The following TENM1 variants were observed in gnomAD, a reference collection of about 807,000 sequenced individuals.
TENM1 encodes teneurin-1.
Under a neutral mutation model 174.8 loss-of-function variants are expected in TENM1, and 35 were observed. The ratio of observed to expected loss-of-function variants is 0.20; its 90% CI spans 0.15 to 0.27. TENM1 has a LOEUF of 0.27. TENM1 is among the 10% of genes least tolerant of loss of function. The pLI is 1.00. For missense variants in TENM1, 1,633 were observed against 2,130.1 expected (o/e 0.77, Z 4.59); for synonymous variants, 781 against 798.7 (o/e 0.98, Z 0.37).
intron 22 of TENM1, among the ~76,000 whole-genome samples, chrX:124,472,085 A>G (rs1281971555): frequency 1.9e-5 from 2 of 108,015 alleles, no homozygotes; most frequent in Non-Finnish European, 3.8e-5. Flanking sequence ...CAGTGATAAA[A>G]TACTTCTTCC....
the TENM1 span, among the ~76,000 whole-genome samples, chrX:124,994,505 T>C: frequency 9.1e-6 from 1 of 110,346 alleles, no homozygotes; most frequent in Non-Finnish European, 1.9e-5. Context: ...ACTCAACATA[T>C]CTGATAAAGA....
intron 11 of TENM1, among the ~76,000 whole-genome samples, chrX:124,576,767 C>T (rs983396909): frequency 2.8e-4 from 31 of 111,939 alleles, no homozygotes; most frequent in African/African-American, 9.1e-4. Context: ...TAAAATTGCA[C>T]CAGGCAGAAT....
chrX:124,886,546 T>TAGAGAG (rs1486537193), intron 3 of TENM1, among the ~76,000 whole-genome samples: 110 of 76,057 alleles, frequency 1.4e-3, no homozygotes, highest in African/African-American at 5.1e-3. Flanking sequence ...TATATATATA[T>TAGAGAG]ATAGAGAGAG....
intron 3 of TENM1, among the ~76,000 whole-genome samples, chrX:124,861,454 C>T (rs1044289015): frequency 9.8e-5 from 11 of 111,797 alleles, no homozygotes; most frequent in African/African-American, 3.3e-4. Context: ...TTTCCTCAAA[C>T]TCCGACATGA....
At chrX:124,566,949 T>A (rs1006108654) in intron 11 of TENM1, among the ~76,000 whole-genome samples, 10 of 111,999 alleles carry the variant, frequency 8.9e-5, no homozygotes, top group African/African-American at 3.2e-4. Context: ...TACTTATACA[T>A]CACAAAGCTG....
chrX:124,806,488 A>C (rs2055600176), intron 3 of TENM1, among the ~76,000 whole-genome samples: 1 of 112,196 alleles, frequency 8.9e-6, no homozygotes, highest in South Asian at 3.7e-4. Context: ...ATTCAATCCA[A>C]ATAACACTAC....
chrX:125,083,745 T>A, the TENM1 span, among the ~76,000 whole-genome samples: 3 of 111,189 alleles, frequency 2.7e-5, no homozygotes, highest in African/African-American at 9.8e-5. Flanking sequence ...CATGAATATA[T>A]CCACATATTG....
chrX:124,852,614 A>C (rs897187190), intron 3 of TENM1, among the ~76,000 whole-genome samples: 1 of 111,180 alleles, frequency 9.0e-6, no homozygotes, highest in Non-Finnish European at 1.9e-5. Flanking sequence ...AGTTTGAAAA[A>C]CATACAAGCC....
intron 18 of TENM1, among the ~76,000 whole-genome samples, chrX:124,517,726 T>C (rs1214057370): frequency 9.3e-6 from 1 of 108,014 alleles, no homozygotes; most frequent in Non-Finnish European, 1.9e-5. Context: ...GACGAGTTAA[T>C]GGGTGCAGCA....
At chrX:125,055,794 C>G in the TENM1 span, among the ~76,000 whole-genome samples, 50 of 111,148 alleles carry the variant, frequency 4.5e-4, no homozygotes, top group African/African-American at 1.6e-3. Context: ...AGTGAATCGA[C>G]GTTGTGTTGC....
intron 1 of TENM1, among the ~76,000 whole-genome samples, chrX:124,952,766 T>C (rs2058510017): frequency 9.0e-6 from 1 of 111,719 alleles, no homozygotes; most frequent in Non-Finnish European, 1.9e-5. Flanking sequence ...TATTTCTAAC[T>C]GCTTTCTTCC....
At chrX:124,974,100 T>C in the TENM1 span, among the ~76,000 whole-genome samples, 34 of 111,396 alleles carry the variant, frequency 3.1e-4, no homozygotes, top group African/African-American at 1.1e-3. Flanking sequence ...ATACTACCAC[T>C]ACTACTACTA....
intron 3 of TENM1, among the ~76,000 whole-genome samples, chrX:124,808,266 T>G (rs762921212): frequency 9.0e-6 from 1 of 111,632 alleles, no homozygotes; most frequent in Admixed American, 9.5e-5. Context: ...AGGGGTCAAT[T>G]TAGCAAGAGG....
At chrX:125,079,187 TA>T in the TENM1 span, among the ~76,000 whole-genome samples, 1 of 111,500 alleles carries the variant, frequency 9.0e-6, no homozygotes, top group Non-Finnish European at 1.9e-5. Context: ...GAATAAGATA[TA>T]AAAATAATAA....
the TENM1 span, among the ~76,000 whole-genome samples, chrX:124,998,685 T>C: frequency 9.0e-6 from 1 of 111,272 alleles, no homozygotes; most frequent in Non-Finnish European, 1.9e-5. Context: ...TGAGGTTAAA[T>C]GTCTGGTTGA....
chrX:124,628,066 C>T (rs376535626), intron 11 of TENM1, among the ~76,000 whole-genome samples: 4 of 111,021 alleles, frequency 3.6e-5, no homozygotes, highest in Non-Finnish European at 5.7e-5. Flanking sequence ...TTCCTGGATA[C>T]GATTTTATTG....
intron 5 of TENM1, among the ~76,000 whole-genome samples, chrX:124,694,441 T>C (rs1174580576): frequency 5.4e-5 from 6 of 111,741 alleles, no homozygotes; most frequent in Non-Finnish European, 1.1e-4. Flanking sequence ...TGTAGAATTA[T>C]CTATCTCCTA....
chrX:124,649,266 G>A (rs922116809), intron 8 of TENM1, among the ~76,000 whole-genome samples: 1 of 112,035 alleles, frequency 8.9e-6, no homozygotes, highest in Non-Finnish European at 1.9e-5. Context: ...CTTGATATTT[G>A]CATCTTCGCT....
intron 5 of TENM1, among the ~76,000 whole-genome samples, chrX:124,682,749 C>T (rs1011506663): frequency 9.0e-6 from 1 of 110,844 alleles, no homozygotes; most frequent in African/African-American, 3.3e-5. Flanking sequence ...AGCACAACAT[C>T]AGCAAAACCC....
Sources: allele counts gnomAD v4.1 joint callset (sites outside exome capture counted in the v4.1 genomes callset), GRCh38; gene constraint gnomAD v4.1.1; transcripts MANE v1.5; gene names NCBI Gene and HGNC (gene_info 2026-07-23, HGNC 2026-07-21).